PCDHA5: variants seen among roughly 807,000 people sequenced by gnomAD.
PCDHA5 encodes protocadherin alpha 5.
Under a neutral mutation model 61.6 loss-of-function variants are expected in PCDHA5, and 43 were observed. The ratio of observed to expected loss-of-function variants is 0.70; its 90% CI spans 0.55 to 0.90. The LOEUF (loss-of-function observed/expected upper bound fraction) is 0.90, where lower values mean the gene tolerates loss of function less well. Among genes scored for constraint, PCDHA5 ranks in the 40% least tolerant of loss-of-function variants. The pLI, the probability that PCDHA5 is intolerant of heterozygous loss-of-function variation, is 0.00. For synonymous variants in PCDHA5, 627 were observed against 543.9 expected, an observed-to-expected ratio of 1.15 and a Z score of -2.13; for missense variants, 1,298 against 1,222.7, an observed-to-expected ratio of 1.06 and a Z score of -0.92.
intron 1 of PCDHA5, chr5:140,855,863 C>T (rs1435848910): frequency 2.6e-6 from 2 of 763,574 alleles, no homozygotes; most frequent in East Asian, 2.7e-5. Context: ...ATGTCGCTGT[C>T]GTCCACAAAA....
rs1401604778 is a variant in PCDHA5, at chr5:140,834,718, G to A, written c.2352+10591G>A. On this transcript the variant is annotated intron_variant, in intron 1 of 3. Coordinates refer to ENST00000529859, the MANE Select transcript of PCDHA5 (RefSeq NM_018908.3). ...ATCCACCTGGAGGTGATCGTGGAAA[G>A]GCCGCTGCAGGTTTTCCATGTGGAC... 9 of 1,614,148 alleles carry A rather than the reference G, an allele frequency of 5.6e-6. No homozygotes were observed. Among genetic ancestry groups the A allele is most frequent in the Middle Eastern group, 1.6e-4 (1 of 6,084 alleles).
chr5:140,929,992 C>T (rs1015837723), intron 1 of PCDHA5: 7 of 152,300 alleles, frequency 4.6e-5, no homozygotes, highest in East Asian at 1.9e-4. Flanking sequence ...TTGGGAATGA[C>T]ACCCTAAAAC....
At chr5:140,841,728 A>G (rs1777450155) in intron 1 of PCDHA5, 3 of 1,613,768 alleles carry the variant, frequency 1.9e-6, no homozygotes, top group Admixed American at 3.3e-5. Flanking sequence ...TTCCGGGTAA[A>G]AGACCAAAAG....
At position 140,967,010 on chromosome 5, in the gene PCDHA5, C is replaced by T. The variant is rs781936791; in HGVS notation, c.2353-11939C>T. 7 of 1,606,340 alleles carry T rather than the reference C, an allele frequency of 4.4e-6. No individual in the cohort carries two copies. In the South Asian group the frequency reaches 6.6e-5, roughly 15 times the overall value. On this transcript the variant is annotated intron_variant, in intron 1 of 3. Coordinates refer to ENST00000529859, the MANE Select transcript of PCDHA5 (RefSeq NM_018908.3). ...GCCGGGTTGCTTGCGCATCAACCAT[C>T]TGGGTGCGCCCAGTCCGCGCTACCT...
At chr5:140,833,958 A>G (rs1772734204) in intron 1 of PCDHA5, among the ~76,000 whole-genome samples, 1 of 152,116 alleles carries the variant, frequency 6.6e-6, no homozygotes, top group African/African-American at 2.4e-5. Flanking sequence ...TTTATTTAAA[A>G]CTGTGTGAAA....
chr5:140,842,784 C>A (rs1285950480), intron 1 of PCDHA5: 4 of 1,594,370 alleles, frequency 2.5e-6, no homozygotes, highest in Non-Finnish European at 3.4e-6. Context: ...CAGGAGAACG[C>A]GCTGGTGTCC....
At chr5:140,836,282 G>C (rs1554135789) in intron 1 of PCDHA5, 6 of 1,613,806 alleles carry the variant, frequency 3.7e-6, no homozygotes, top group Non-Finnish European at 5.1e-6. Context: ...AGATCAGCAC[G>C]ACACGAGCCC....
chr5:140,834,367 C>T (rs2150215817), intron 1 of PCDHA5: 2 of 1,554,312 alleles, frequency 1.3e-6, no homozygotes, highest in Admixed American at 2.0e-5. Flanking sequence ...ACTAGAAAAA[C>T]AAGCCAATAA....
intron 1 of PCDHA5, among the ~76,000 whole-genome samples, chr5:140,959,052 A>C (rs992294371): frequency 3.3e-5 from 5 of 152,078 alleles, no homozygotes; most frequent in Admixed American, 6.6e-5. Context: ...ATAGGAAAAA[A>C]TGCAGTATAT....
intron 1 of PCDHA5, among the ~76,000 whole-genome samples, chr5:140,955,756 A>G (rs987029779): frequency 2.6e-5 from 4 of 152,182 alleles, no homozygotes; most frequent in African/African-American, 9.7e-5. Flanking sequence ...TATTGCCATA[A>G]CACTGATTCT....
At chr5:140,870,442 G>C (rs1562644426) in intron 1 of PCDHA5, 2 of 1,614,236 alleles carry the variant, frequency 1.2e-6, no homozygotes, top group Non-Finnish European at 1.7e-6. Context: ...GGTGGCCGAC[G>C]TGAACGACAA....
chr5:140,935,894 C>CTTT lies in PCDHA5; in HGVS notation c.2353-43041_2353-43039dup, dbSNP rs55841305. Among the ~76,000 whole-genome samples, 1,154 of 136,734 alleles carry CTTT rather than the reference C, an allele frequency of 8.4e-3. 14 individuals carry two copies. Among genetic ancestry groups the CTTT allele is most frequent in the East Asian group, 0.025 (118 of 4,726 alleles). 89.7% of individuals were successfully genotyped at this position (136,734 alleles called of 152,430 possible). On this transcript the variant is annotated intron_variant, in intron 1 of 3. Coordinates refer to ENST00000529859, the MANE Select transcript of PCDHA5 (RefSeq NM_018908.3). ...ATGAGCTCCAATTTATCAATATTAT[C>CTTT]TTTTTTTTTTTTTTTTGAGACAGAT...
chr5:140,885,611 A>G (rs1422835119), intron 1 of PCDHA5, among the ~76,000 whole-genome samples: 5 of 152,216 alleles, frequency 3.3e-5, no homozygotes, highest in Non-Finnish European at 4.4e-5. Flanking sequence ...AATTTTAATT[A>G]TAAAATATGT....
At chr5:140,927,281 A>G (rs1554204297) in intron 1 of PCDHA5, 1 of 1,614,172 alleles carries the variant, frequency 6.2e-7, no homozygotes, top group Non-Finnish European at 8.5e-7. Flanking sequence ...GGCGACGTGC[A>G]GCTGCACATC....
chr5:140,823,614 G>C lies in PCDHA5; in HGVS notation c.1839G>C (p.Ala613=), dbSNP rs2150127435. The C allele has an allele frequency of 6.2e-7, 1 of 1,614,046 alleles. No individual in the cohort carries two copies. The highest frequency in any genetic ancestry group is 8.5e-7 in the Non-Finnish European group (1 of 1,179,958). ...NAWLSYELQP[A]PGSARIPFRV... ...GGCTTTCGTATGAGCTGCAGCCAGC[G>C]CCTGGCAGTGCGCGCATCCCGTTCC... Residue 613 remains alanine, a synonymous_variant, in exon 1 of 4, where the codon GCG becomes GCC. Transcript: ENST00000529859.
chr5:140,842,051 C>A, intron 1 of PCDHA5: 1 of 1,613,852 alleles, frequency 6.2e-7, no homozygotes, highest in Non-Finnish European at 8.5e-7. Context: ...CACTTTCGAA[C>A]AGTCTGAATA....
At chr5:140,884,471 G>A (rs2060197778) in intron 1 of PCDHA5, 1 of 1,613,802 alleles carries the variant, frequency 6.2e-7, no homozygotes, top group Non-Finnish European at 8.5e-7. Flanking sequence ...GTGCGCGCCG[G>A]GCAAGCCCAC....
intron 1 of PCDHA5, among the ~76,000 whole-genome samples, chr5:140,937,127 T>TC: frequency 6.7e-6 from 1 of 149,014 alleles, no homozygotes. Context: ...AAGCTCCGCC[T>TC]CCCGGGTTCA....
At position 140,845,398 on chromosome 5, in the gene PCDHA5, G is replaced by A. The variant is rs1272388366; in HGVS notation, c.2352+21271G>A. Among the ~76,000 whole-genome samples the A allele has an allele frequency of 2.0e-5, 3 of 149,302 alleles. 1 individual carries two copies. The highest frequency in any genetic ancestry group is 4.5e-5 in the Non-Finnish European group (3 of 66,780). ...ATAGGAGGATTCTTTCCACCACCTA[G>A]CATTGTATTTGGCAATTTATCATTT... On this transcript the variant is annotated intron_variant, in intron 1 of 3. Coordinates refer to ENST00000529859, the MANE Select transcript of PCDHA5 (RefSeq NM_018908.3).
Sources: allele counts gnomAD v4.1 joint callset (sites outside exome capture counted in the v4.1 genomes callset), GRCh38; gene constraint gnomAD v4.1.1; transcripts MANE v1.5; gene names NCBI Gene and HGNC (gene_info 2026-07-23, HGNC 2026-07-21).